Variants in DLGAP1 observed in about 807,000 individuals in gnomAD.
The protein encoded by DLGAP1 is disks large-associated protein 1.
A neutral mutation model predicts 90.8 loss-of-function variants in DLGAP1; 11 were observed. The ratio of observed to expected loss-of-function variants is 0.12; its 90% CI spans 0.08 to 0.20. DLGAP1 has a LOEUF of 0.20. DLGAP1 is among the 10% of genes least tolerant of loss of function. DLGAP1 has a pLI of 1.00. For synonymous variants in DLGAP1, 558 were observed against 540.7 expected (o/e 1.03, Z -0.44); for missense variants, 1,050 against 1,333.8 (o/e 0.79, Z 3.31).
chr18:3,787,062 G>A (rs1000960228), intron 5 of DLGAP1, among the ~76,000 whole-genome samples: 2 of 152,116 alleles, frequency 1.3e-5, no homozygotes, highest in Admixed American at 1.3e-4. Flanking sequence ...ACAAGCAGAA[G>A]TAATGAGTAT....
chr18:4,037,231 A>G (rs960096615), intron 2 of DLGAP1, among the ~76,000 whole-genome samples: 1 of 152,210 alleles, frequency 6.6e-6, no homozygotes, highest in African/African-American at 2.4e-5. Context: ...TGCAAAGTAT[A>G]TCATTCCGCT....
intron 10 of DLGAP1, among the ~76,000 whole-genome samples, chr18:3,512,080 C>T (rs1392699944): frequency 1.4e-5 from 2 of 145,728 alleles, no homozygotes; most frequent in Admixed American, 1.4e-4. Flanking sequence ...TTTTTTTTTA[C>T]AGATTGTTCA....
At position 4,328,108 on chromosome 18, in the gene DLGAP1, G is replaced by A. The variant is rs115835890; in HGVS notation, c.-267+126898C>T. 4.7e-3 allele frequency among the ~76,000 whole-genome samples: 702 copies of A among 149,888 alleles called. 6 individuals carry two copies. The highest frequency in any genetic ancestry group is 0.017 in the African/African-American group (668 of 39,794). On this transcript the variant is annotated intron_variant, in intron 1 of 12. Transcript: ENST00000315677. ...CAAAAGGGCCCTTTCTTTCCTCCCCGCTTCCCCTACTAAGTTAGACATTTA... is the reference window on the plus strand; with the variant it reads ...CAAAAGGGCCCTTTCTTTCCTCCCCACTTCCCCTACTAAGTTAGACATTTA...
chr18:4,068,865 C>A (rs1048653224), intron 2 of DLGAP1, among the ~76,000 whole-genome samples: 1 of 152,146 alleles, frequency 6.6e-6, no homozygotes, highest in Non-Finnish European at 1.5e-5. Flanking sequence ...GAAACAGAGA[C>A]AACAGAAATT....
intron 2 of DLGAP1, among the ~76,000 whole-genome samples, chr18:4,007,140 T>C (rs1195122247): frequency 6.6e-6 from 1 of 152,152 alleles, no homozygotes; most frequent in Non-Finnish European, 1.5e-5. Context: ...ATCTTCATCA[T>C]AGTCAGATAT....
Position 3,499,343 on chromosome 18 carries a change from G to A in DLGAP1, c.2776C>T (p.Pro926Ser), listed in dbSNP as rs2049808155. The A allele has an allele frequency of 1.3e-6, 2 of 1,558,036 alleles. No individual in the cohort carries two copies. Among genetic ancestry groups the A allele is most frequent in the Non-Finnish European group, 1.7e-6 (2 of 1,152,046 alleles). ...TCCAGCGAGCGCTCCCGGATCAGCG[G>A]CGCGGGGCCCTTCGCCGGCTTCTTT... ...VPKKPAKGPA[P>S]LIRERSLESS... The change falls in exon 13 of 13, where the codon CCG becomes TCG. Residue 926 changes from proline to serine, a missense_variant. Coordinates refer to ENST00000315677, the MANE Select transcript of DLGAP1 (RefSeq NM_004746.4). This position sits in a 1 kb window ranked among gnomAD's most constrained non-coding sequence, Gnocchi z 6.4.
rs117613242 is a variant in DLGAP1 at position 3,517,887 on chromosome 18, C to T, written c.2480-9226G>A. Among the ~76,000 whole-genome samples the T allele has an allele frequency of 0.011, 1,697 of 151,702 alleles. 69 individuals carry two copies. In the East Asian group the frequency reaches 0.15, roughly 13 times the overall value. On this transcript the variant is annotated intron_variant, in intron 10 of 12. Transcript: ENST00000315677. The surrounding 1 kb of genome is among the most constrained non-coding windows in gnomAD (Gnocchi z 4.1). ...AGCTTTGGCTTAAGGGAATGTTGTG[C>T]CTGGTTTGTTCTTCTCTCCAGACCA...
intron 7 of DLGAP1, among the ~76,000 whole-genome samples, chr18:3,714,512 C>T (rs1028662006): frequency 1.3e-5 from 2 of 152,146 alleles, no homozygotes; most frequent in Non-Finnish European, 2.9e-5. Context: ...CATGACAAAA[C>T]CTAAGCACTA....
chr18:4,097,531 C>T (rs1420124600), intron 2 of DLGAP1, among the ~76,000 whole-genome samples: 1 of 152,228 alleles, frequency 6.6e-6, no homozygotes, highest in African/African-American at 2.4e-5. Flanking sequence ...CCTCCAGACA[C>T]CTCACAGGTA....
Position 3,879,458 on chromosome 18 carries a change from G to A in DLGAP1, c.611C>T (p.Ser204Leu), listed in dbSNP as rs2071090106. 1 of 1,606,816 alleles carries A rather than the reference G, an allele frequency of 6.2e-7. No homozygotes were observed. Among genetic ancestry groups the A allele is most frequent in the Non-Finnish European group, 8.5e-7 (1 of 1,179,934 alleles). ...CATGTCACCATCCAGGTTGTCGTCC[G>A]AGCTCCACCAGCCCGGGGAGGTGCT... ...RPSTSPGWWS[S>L]DDNLDGDMCI... Residue 204 changes from serine to leucine, a missense_variant, in exon 4 of 13, where the codon TCG becomes TTG. Ser to Leu is a moderately radical substitution (Grantham distance 145). Transcript: ENST00000315677. This position sits in a 1 kb window ranked among gnomAD's most constrained non-coding sequence, Gnocchi z 6.6.
chr18:4,438,536 T>C (rs1183081909), intron 1 of DLGAP1, among the ~76,000 whole-genome samples: 2 of 151,732 alleles, frequency 1.3e-5, no homozygotes, highest in African/African-American at 4.8e-5. Context: ...AGCCTCATCT[T>C]GTACCCCTAG....
intron 5 of DLGAP1, chr18:3,771,418 G>A (rs963475666): frequency 6.6e-6 from 1 of 152,312 alleles, no homozygotes; most frequent in Non-Finnish European, 1.5e-5. Flanking sequence ...GACGGCGTAG[G>A]TCCAGGGGAG....
intron 7 of DLGAP1, among the ~76,000 whole-genome samples, chr18:3,694,978 C>CT (rs373665939): frequency 0.028 from 2,927 of 105,980 alleles, 107 homozygotes; most frequent in African/African-American, 0.1. Context: ...CTTGTTCTGT[C>CT]GCCCAGACTG....
intron 2 of DLGAP1, among the ~76,000 whole-genome samples, chr18:4,080,972 T>G (rs1414602776): frequency 6.7e-6 from 1 of 149,524 alleles, no homozygotes; most frequent in Non-Finnish European, 1.5e-5. Flanking sequence ...CACTGCAACC[T>G]CCGCCTCCCT....
intron 3 of DLGAP1, among the ~76,000 whole-genome samples, chr18:3,913,271 T>C (rs987111121): frequency 6.6e-5 from 10 of 152,102 alleles, no homozygotes; most frequent in African/African-American, 2.4e-4. Flanking sequence ...TTAAATTTTT[T>C]TGTTTTGAGG....
chr18:3,949,633 G>A lies in DLGAP1; in HGVS notation c.-73+55483C>T, dbSNP rs78596706. On this transcript the variant is annotated intron_variant, in intron 3 of 12. Transcript: ENST00000315677. ...TTCACCAGCAGAGCGCCTCTTTGTC[G>A]ATGCAGGACATCCTCTCTGAGTTAT... Among the ~76,000 whole-genome samples, 1,153 of 152,234 alleles carry A rather than the reference G, an allele frequency of 7.6e-3. 17 individuals are homozygous for A. Among genetic ancestry groups the A allele is most frequent in the African/African-American group, 0.025 (1,047 of 41,542 alleles).
intron 7 of DLGAP1, among the ~76,000 whole-genome samples, chr18:3,605,328 A>T (rs558020848): frequency 2.0e-5 from 3 of 152,204 alleles, no homozygotes; most frequent in Non-Finnish European, 4.4e-5. Context: ...CCTAGTTCTC[A>T]TGAGAACACA....
At chr18:4,037,335 T>C (rs1295700889) in intron 2 of DLGAP1, among the ~76,000 whole-genome samples, 1 of 152,156 alleles carries the variant, frequency 6.6e-6, no homozygotes, top group Non-Finnish European at 1.5e-5. Flanking sequence ...TGAGCAAAAG[T>C]GGAGAAGGTG....
chr18:4,312,001 C>A (rs184701453), intron 1 of DLGAP1, among the ~76,000 whole-genome samples: 3 of 152,322 alleles, frequency 2.0e-5, no homozygotes, highest in Admixed American at 2.0e-4. Flanking sequence ...CAGATGTGAG[C>A]CACCATGCCT....
Sources: gnomAD v4.1 joint callset for allele counts (sites outside exome capture counted in the v4.1 genomes callset) on GRCh38, gnomAD v4.1.1 for gene constraint, Gnocchi (gnomAD v3.1) non-coding constraint, MANE v1.5 for transcripts, NCBI Gene and HGNC (gene_info 2026-07-23, HGNC 2026-07-21) for gene names.